The following LRMDA variants were observed in gnomAD, a reference collection of about 807,000 sequenced individuals.
LRMDA encodes the protein leucine-rich melanocyte differentiation-associated protein.
LRMDA carries 18 observed loss-of-function variants against 29.8 expected under a neutral mutation model. That is an observed-to-expected ratio of 0.60 (90% confidence interval 0.42 to 0.90). The LOEUF is 0.90. LRMDA is among the 40% of genes least tolerant of loss of function. The probability of loss-of-function intolerance (pLI) is 0.00; values close to 1 mark genes in which losing one functional copy is unlikely to be tolerated. For missense variants in LRMDA, 273 were observed against 273.9 expected, an observed-to-expected ratio of 1.00 and a Z score of 0.02; for synonymous variants, 125 against 109.4, an observed-to-expected ratio of 1.14 and a Z score of -0.89.
At chr10:75,688,470 C>T (rs894138111) in intron 2 of LRMDA, among the ~76,000 whole-genome samples, 4 of 152,206 alleles carry the variant, frequency 2.6e-5, no homozygotes, top group African/African-American at 9.7e-5. Context: ...TGAATTGCTG[C>T]AATCTTGTGA....
intron 5 of LRMDA, among the ~76,000 whole-genome samples, chr10:76,084,522 G>GT (rs1849103851): frequency 6.6e-6 from 1 of 151,800 alleles, no homozygotes; most frequent in African/African-American, 2.4e-5. Context: ...GCCATATTAT[G>GT]TTTTTTCAAA....
At chr10:75,786,522 T>C (rs1443518451) in intron 2 of LRMDA, among the ~76,000 whole-genome samples, 1 of 152,210 alleles carries the variant, frequency 6.6e-6, no homozygotes, top group African/African-American at 2.4e-5. Context: ...GTTGGTTTAG[T>C]ACCAATTGTG....
intron 3 of LRMDA, among the ~76,000 whole-genome samples, chr10:76,036,393 T>A (rs1268555821): frequency 6.6e-6 from 1 of 152,208 alleles, no homozygotes; most frequent in African/African-American, 2.4e-5. Context: ...AGTGTAGAGA[T>A]CTAAGTTATG....
At chr10:75,798,633 T>G (rs866877215) in intron 2 of LRMDA, among the ~76,000 whole-genome samples, 4 of 152,232 alleles carry the variant, frequency 2.6e-5, no homozygotes, top group Middle Eastern at 3.4e-3. Context: ...TAATTTGCGC[T>G]GCATCCATGG....
chr10:75,899,998 G>T (rs1269669668), intron 2 of LRMDA, among the ~76,000 whole-genome samples: 1 of 152,220 alleles, frequency 6.6e-6, no homozygotes, highest in Non-Finnish European at 1.5e-5. Flanking sequence ...TTTGATGTGT[G>T]TGAGCCTTGG....
chr10:76,157,854 A>G (rs945197454), intron 5 of LRMDA, among the ~76,000 whole-genome samples: 1 of 152,190 alleles, frequency 6.6e-6, no homozygotes, highest in Non-Finnish European at 1.5e-5. Flanking sequence ...TAGATGGTAT[A>G]GCATGCAATA....
At chr10:75,559,557 T>C (rs1236368894) in intron 2 of LRMDA, among the ~76,000 whole-genome samples, 2 of 149,102 alleles carry the variant, frequency 1.3e-5, no homozygotes, top group Non-Finnish European at 3.0e-5. Flanking sequence ...TTAGTCAATT[T>C]TGGCTTTTGT....
chr10:75,482,601 T>A (rs145765060), intron 2 of LRMDA, among the ~76,000 whole-genome samples: 6 of 152,270 alleles, frequency 3.9e-5, no homozygotes, highest in African/African-American at 1.4e-4. Context: ...CTGCACAGGG[T>A]CTGACCCATG....
At chr10:76,506,094 G>T (rs1328604694) in intron 6 of LRMDA, among the ~76,000 whole-genome samples, 2 of 152,006 alleles carry the variant, frequency 1.3e-5, no homozygotes, top group Non-Finnish European at 2.9e-5. Context: ...CAGCCTTGGG[G>T]TCTGCCTCAC....
chr10:76,431,763 A>T (rs577442599), intron 6 of LRMDA, among the ~76,000 whole-genome samples: 3 of 152,292 alleles, frequency 2.0e-5, no homozygotes, highest in Admixed American at 1.3e-4. Context: ...CTCAACTTGA[A>T]TTCCCACATG....
intron 2 of LRMDA, among the ~76,000 whole-genome samples, chr10:75,798,933 CTTATT>C (rs1187290504): frequency 1.3e-5 from 2 of 152,050 alleles, no homozygotes; most frequent in Non-Finnish European, 2.9e-5. Flanking sequence ...TTTATTAGGA[CTTATT>C]TTAATTATCA....
At chr10:75,523,347 G>T (rs562426171) in intron 2 of LRMDA, among the ~76,000 whole-genome samples, 1 of 152,210 alleles carries the variant, frequency 6.6e-6, no homozygotes, top group Non-Finnish European at 1.5e-5. Context: ...TTATGTGGGG[G>T]TTGGTGCTAA....
chr10:75,756,090 CTT>C (rs1843028836), intron 2 of LRMDA, among the ~76,000 whole-genome samples: 1 of 152,106 alleles, frequency 6.6e-6, no homozygotes, highest in Admixed American at 6.5e-5. Flanking sequence ...TGTAGCTTGT[CTT>C]TGTTTACTGA....
intron 2 of LRMDA, among the ~76,000 whole-genome samples, chr10:76,032,888 G>T (rs1848173847): frequency 6.6e-6 from 1 of 152,026 alleles, no homozygotes; most frequent in African/African-American, 2.4e-5. Flanking sequence ...TCTCCACCGG[G>T]GATCTGGTTT....
At chr10:75,547,530 A>T (rs775494400) in intron 2 of LRMDA, among the ~76,000 whole-genome samples, 8 of 152,178 alleles carry the variant, frequency 5.3e-5, no homozygotes, top group Non-Finnish European at 1.0e-4. Context: ...TGGCCACAAT[A>T]AGTGCTGTGG....
At chr10:76,220,264 G>A (rs993587343) in intron 5 of LRMDA, among the ~76,000 whole-genome samples, 36 of 152,142 alleles carry the variant, frequency 2.4e-4, no homozygotes, top group Admixed American at 2.0e-3. Flanking sequence ...AAATAACTAA[G>A]ATCAGAGCAG....
At chr10:75,479,572 G>A (rs557869593) in intron 2 of LRMDA, among the ~76,000 whole-genome samples, 61 of 151,406 alleles carry the variant, frequency 4.0e-4, no homozygotes, top group Middle Eastern at 3.5e-3. Flanking sequence ...GAGGCATCCT[G>A]AAGGAGCCAC....
intron 2 of LRMDA, among the ~76,000 whole-genome samples, chr10:75,936,884 T>C (rs757037171): frequency 5.9e-5 from 9 of 152,202 alleles, no homozygotes; most frequent in Non-Finnish European, 8.8e-5. Flanking sequence ...AACATTCAGA[T>C]CATAGCATTC....
At chr10:75,486,945 G>A (rs976910648) in intron 2 of LRMDA, among the ~76,000 whole-genome samples, 6 of 152,318 alleles carry the variant, frequency 3.9e-5, no homozygotes, top group Non-Finnish European at 8.8e-5. Flanking sequence ...AAATTGGCAC[G>A]CACCTCAGTT....
Sources: gnomAD v4.1 joint callset for allele counts (sites outside exome capture counted in the v4.1 genomes callset) on GRCh38, gnomAD v4.1.1 for gene constraint, MANE v1.5 for transcripts, NCBI Gene and HGNC (gene_info 2026-07-23, HGNC 2026-07-21) for gene names.